Variants in CEP70 observed in about 807,000 individuals in gnomAD.
The protein encoded by CEP70 is centrosomal protein of 70 kDa.
In CEP70, 70 loss-of-function variants were observed where a neutral mutation model predicts 90.9. The observed-to-expected ratio is 0.77, with a 90% CI of 0.64 to 0.94. The LOEUF (loss-of-function observed/expected upper bound fraction) is 0.94. CEP70 is among the 40% of genes least tolerant of loss of function. The pLI, the probability that CEP70 is intolerant of heterozygous loss-of-function variation, is 0.00. For missense variants in CEP70, 648 were observed against 669.0 expected (o/e 0.97, Z 0.35); for synonymous variants, 220 against 228.3 (o/e 0.96, Z 0.33).
rs2033851534 is a variant in CEP70 at position 138,494,504 on chromosome 3, GT to G, written c.*510del. The G allele has an allele frequency of 6.6e-6, 1 of 152,226 alleles. No homozygotes were observed. Among genetic ancestry groups the G allele is most frequent in the South Asian group, 2.1e-4 (1 of 4,830 alleles). The allele number at this position is 152,226 out of a possible 1,614,324, so 9.4% of individuals were successfully genotyped here. On this transcript the variant is annotated 3_prime_UTR_variant, in exon 18 of 18. Transcript: ENST00000264982. ...CTACCCTAACAGAAATGATGAAACAGTTTTTCTTTCTTCCTTTTCTTCCTCC... is the reference window on the plus strand; with the variant it reads ...CTACCCTAACAGAAATGATGAAACAGTTTTCTTTCTTCCTTTTCTTCCTCC...
chr3:138,500,941 A>G, intron 13 of CEP70, 60 bp from the exon 14 acceptor site: 1 of 712,150 alleles, frequency 1.4e-6, no homozygotes, highest in African/African-American at 1.9e-5. Flanking sequence ...TAGTAACATA[A>G]TAGAACATAA....
chr3:138,556,456 A>C (rs529059616), intron 6 of CEP70, among the ~76,000 whole-genome samples: 3 of 128,848 alleles, frequency 2.3e-5, no homozygotes, highest in African/African-American at 8.8e-5. Flanking sequence ...TGAACCCGGG[A>C]GGCAGAGGTT....
Position 138,529,446 on chromosome 3 carries a change from C to T in CEP70, c.709G>A (p.Glu237Lys), listed in dbSNP as rs1416621165. 6.2e-7 allele frequency: 1 copy of T among 1,604,204 alleles called. No homozygotes were observed. Among genetic ancestry groups the T allele is most frequent in the Non-Finnish European group, 8.5e-7 (1 of 1,173,732 alleles). The change falls in exon 9 of 18, where the codon GAA (glutamate) becomes AAA (lysine). Residue 237 changes from glutamate to lysine, a missense_variant. By Grantham distance (56) the Glu-to-Lys change is moderately conservative (BLOSUM62 1). Coordinates refer to ENST00000264982, the MANE Select transcript of CEP70 (RefSeq NM_024491.4). Reference sequence around the variant, plus strand: ...TCGTTTTCTTCTTCTGACTGACTTTCATCTTCTTTATATTGCCTATGAAAA... The same window carrying T: ...TCGTTTTCTTCTTCTGACTGACTTTTATCTTCTTTATATTGCCTATGAAAA... ...IHTQRQYKED[E>K]SQSEEENDYR...
intron 13 of CEP70, among the ~76,000 whole-genome samples, chr3:138,504,250 C>G (rs539450408): frequency 6.6e-6 from 1 of 152,318 alleles, no homozygotes; most frequent in South Asian, 2.1e-4. Context: ...TAATCTAGCA[C>G]TGTCACTCAA....
chr3:138,528,211 A>C (rs2037478013), intron 10 of CEP70, among the ~76,000 whole-genome samples: 1 of 151,694 alleles, frequency 6.6e-6, no homozygotes, highest in Non-Finnish European at 1.5e-5. Context: ...CACCCAGCTA[A>C]TTTTTATATT....
At chr3:138,546,934 T>C (rs1386651672) in intron 6 of CEP70, among the ~76,000 whole-genome samples, 1 of 152,196 alleles carries the variant, frequency 6.6e-6, no homozygotes, top group African/African-American at 2.4e-5. Flanking sequence ...GTGTAATGTT[T>C]GCTGAGACTT....
chr3:138,527,024 A>C (rs1432300713), intron 10 of CEP70, among the ~76,000 whole-genome samples: 1 of 152,244 alleles, frequency 6.6e-6, no homozygotes, highest in Non-Finnish European at 1.5e-5. Flanking sequence ...AAAAAGAGTA[A>C]ATATTGTATA....
intron 2 of CEP70, among the ~76,000 whole-genome samples, chr3:138,582,908 T>A (rs2041938922): frequency 6.8e-6 from 1 of 147,742 alleles, no homozygotes; most frequent in Non-Finnish European, 1.5e-5. Context: ...CTAAGAAAAA[T>A]CACCTTCACT....
chr3:138,541,927 G>A (rs991939877), intron 6 of CEP70, among the ~76,000 whole-genome samples: 1 of 152,212 alleles, frequency 6.6e-6, no homozygotes, highest in Non-Finnish European at 1.5e-5. Context: ...AGAGGCTGAG[G>A]TGGGAGCATC....
At chr3:138,509,252 A>G (rs773735713) in intron 11 of CEP70, among the ~76,000 whole-genome samples, 16 of 152,172 alleles carry the variant, frequency 1.1e-4, no homozygotes, top group Admixed American at 2.0e-4. Flanking sequence ...GACTACAGAT[A>G]AAGGGAGCAG....
intron 2 of CEP70, among the ~76,000 whole-genome samples, chr3:138,578,689 A>G (rs770548263): frequency 2.6e-5 from 4 of 152,266 alleles, no homozygotes; most frequent in Non-Finnish European, 5.9e-5. Context: ...TTAGAAGTCC[A>G]AGATGTTAGA....
chr3:138,572,667 T>C (rs910889082), intron 3 of CEP70, among the ~76,000 whole-genome samples, 192 bp downstream of exon 3: 2 of 152,236 alleles, frequency 1.3e-5, no homozygotes, highest in African/African-American at 4.8e-5. Context: ...AAATGCTGTA[T>C]ACTAAATCCT....
At chr3:138,569,100 C>T (rs2040990022) in intron 6 of CEP70, among the ~76,000 whole-genome samples, 1 of 152,146 alleles carries the variant, frequency 6.6e-6, no homozygotes, top group Non-Finnish European at 1.5e-5. Flanking sequence ...TCAATACCAG[C>T]AGCTCTACTA....
intron 2 of CEP70, among the ~76,000 whole-genome samples, chr3:138,580,100 T>C (rs568760397): frequency 5.9e-5 from 9 of 152,062 alleles, no homozygotes; most frequent in African/African-American, 2.2e-4. Context: ...GTGGTGGCGG[T>C]AGACAAGTGG....
chr3:138,571,431 G>T, intron 3 of CEP70, 75 bp from the exon 4 acceptor site: 1 of 1,013,112 alleles, frequency 9.9e-7, no homozygotes, highest in Admixed American at 2.3e-5. Context: ...ATAATTTCCT[G>T]CATTTTCAGA....
intron 11 of CEP70, among the ~76,000 whole-genome samples, chr3:138,517,777 T>C (rs2036180961): frequency 6.6e-6 from 1 of 152,226 alleles, no homozygotes; most frequent in East Asian, 1.9e-4. Flanking sequence ...ACGGGTGATT[T>C]CTGCATTTCC....
rs182824724 is a variant in CEP70 at position 138,521,808 on chromosome 3, A to G, written c.944+3682T>C. Among the ~76,000 whole-genome samples, 723 of 152,362 alleles carry G rather than the reference A, an allele frequency of 4.7e-3. 4 individuals are homozygous for G. The highest frequency in any genetic ancestry group is 0.017 in the African/African-American group (696 of 41,582). The stretch of plus-strand genomic sequence containing the variant: ...TGTACCCAACAGCTCATTGAGAACA[A>G]GCCATGATGACGATGGCGGTTTTGT... On this transcript the variant is annotated intron_variant, in intron 11 of 17. Coordinates refer to ENST00000264982, the MANE Select transcript of CEP70 (RefSeq NM_024491.4).
intron 6 of CEP70, among the ~76,000 whole-genome samples, chr3:138,555,635 T>C (rs1042831790): frequency 1.3e-5 from 2 of 152,114 alleles, no homozygotes; most frequent in African/African-American, 2.4e-5. Flanking sequence ...AAAGAAGATA[T>C]ACAAATGGCC....
intron 6 of CEP70, among the ~76,000 whole-genome samples, chr3:138,558,701 A>G (rs1177218739): frequency 6.6e-6 from 1 of 152,226 alleles, no homozygotes; most frequent in East Asian, 1.9e-4. Context: ...CTAGATGTCT[A>G]CCAGAAGCAA....
Sources: allele counts gnomAD v4.1 joint callset (sites outside exome capture counted in the v4.1 genomes callset), GRCh38; gene constraint gnomAD v4.1.1; transcripts MANE v1.5; gene names NCBI Gene and HGNC (gene_info 2026-07-23, HGNC 2026-07-21).